INPP5A: variants seen among roughly 807,000 people sequenced by gnomAD.
INPP5A encodes 43 kDa inositol polyphosphate 5-phophatase.
INPP5A carries 14 observed loss-of-function variants against 65.2 expected under a neutral mutation model. That is an observed-to-expected ratio of 0.21 (90% CI 0.14 to 0.34). The LOEUF (loss-of-function observed/expected upper bound fraction) is 0.34, where lower values mean the gene tolerates loss of function less well. Ranked by LOEUF, INPP5A falls within the 10% of genes least tolerant of loss-of-function variation. The pLI is 1.00. For missense variants in INPP5A, 431 were observed against 545.6 expected (o/e 0.79, Z 2.09); for synonymous variants, 207 against 208.3 (o/e 0.99, Z 0.05).
intron 11 of INPP5A, among the ~76,000 whole-genome samples, chr10:132,752,633 G>A (rs910711154): frequency 1.1e-5 from 1 of 87,094 alleles, no homozygotes; most frequent in Non-Finnish European, 2.7e-5. Flanking sequence ...ATGGAGTGGG[G>A]TGTGGCATGG....
intron 9 of INPP5A, among the ~76,000 whole-genome samples, chr10:132,745,152 G>A (rs1046840274): frequency 6.6e-6 from 1 of 152,186 alleles, no homozygotes; most frequent in Admixed American, 6.5e-5. Flanking sequence ...GCTATGGCCT[G>A]TCAGCCTTTG....
At chr10:132,712,418 CATAT>C (rs970960117) in intron 8 of INPP5A, among the ~76,000 whole-genome samples, 2 of 141,248 alleles carry the variant, frequency 1.4e-5, no homozygotes, top group Non-Finnish European at 3.2e-5. Context: ...CGAGTGCATA[CATAT>C]GTGTGTGCAC....
intron 4 of INPP5A, among the ~76,000 whole-genome samples, chr10:132,671,303 G>GGCT (rs1249435017): frequency 5.6e-5 from 8 of 142,666 alleles, no homozygotes; most frequent in African/African-American, 2.0e-4. Flanking sequence ...TTCAAACGTG[G>GGCT]GCTGCGGCGA....
Position 132,741,862 on chromosome 10 carries a change from T to A in INPP5A, c.733-7655T>A, listed in dbSNP as rs1044523041. ...TGCTTGCTTTACTCCATAGCTGATATAAACTGCAGCTGGCTGCAGCACCCA... is the reference window on the plus strand; with the variant it reads ...TGCTTGCTTTACTCCATAGCTGATAAAAACTGCAGCTGGCTGCAGCACCCA... On this transcript the variant is annotated intron_variant, in intron 9 of 15. Coordinates refer to ENST00000368594, the MANE Select transcript of INPP5A (RefSeq NM_005539.5). This position sits in a 1 kb window ranked among gnomAD's most constrained non-coding sequence, Gnocchi z 4.4. 6.6e-6 allele frequency among the ~76,000 whole-genome samples: 1 copy of A among 152,162 alleles called. No individual in the cohort carries two copies. The highest frequency in any genetic ancestry group is 2.4e-5 in the African/African-American group (1 of 41,440).
chr10:132,647,560 T>C (rs2072514101), intron 3 of INPP5A, among the ~76,000 whole-genome samples: 1 of 152,224 alleles, frequency 6.6e-6, no homozygotes, highest in South Asian at 2.1e-4. Context: ...CTCACCCAGC[T>C]CGACCCCAAG....
rs753888025 is a variant in INPP5A at position 132,782,189 on chromosome 10, C to T, written c.*160C>T. On this transcript the variant is annotated 3_prime_UTR_variant, in exon 16 of 16. Coordinates refer to ENST00000368594, the MANE Select transcript of INPP5A (RefSeq NM_005539.5). The surrounding 1 kb of genome is among the most constrained non-coding windows in gnomAD (Gnocchi z 4.4). ...CTTCGCTTCAGCCTCCGGACCATTC[C>T]GGAGCAGCCTCACATACCTCACTGT... 13 of 1,136,466 alleles carry T rather than the reference C, an allele frequency of 1.1e-5. No homozygotes were observed. Among genetic ancestry groups the T allele is most frequent in the Middle Eastern group, 2.3e-4 (1 of 4,414 alleles). The allele number at this position is 1,136,466 out of a possible 1,614,324, so 70.4% of individuals were successfully genotyped here. A position where few individuals can be genotyped will look rare whatever the true frequency, so the allele number is the denominator to read the frequency against.
At position 132,541,594 on chromosome 10, in the gene INPP5A, T is replaced by C. The variant is rs548741122; in HGVS notation, c.75+3423T>C. ...GTTATAACTACCAATATTTCTCATA[T>C]TGGGAGCTGAGACTGCATGAGAATA... On this transcript the variant is annotated intron_variant, in intron 1 of 15. Coordinates refer to ENST00000368594, the MANE Select transcript of INPP5A (RefSeq NM_005539.5). Among the ~76,000 whole-genome samples, 7 of 152,338 alleles carry C rather than the reference T, an allele frequency of 4.6e-5. No individual in the cohort carries two copies. The East Asian group carries it at 9.6e-4, about 21-fold the overall frequency.
At chr10:132,657,153 C>T (rs2072667522) in intron 4 of INPP5A, among the ~76,000 whole-genome samples, 1 of 152,244 alleles carries the variant, frequency 6.6e-6, no homozygotes, top group Non-Finnish European at 1.5e-5. Context: ...TCACTCAAGG[C>T]TCTTGGGCTC....
Position 132,550,122 on chromosome 10 carries a change from G to A in INPP5A, c.75+11951G>A, listed in dbSNP as rs1310239317. On this transcript the variant is annotated intron_variant, in intron 1 of 15. Coordinates refer to ENST00000368594, the MANE Select transcript of INPP5A (RefSeq NM_005539.5). This position sits in a 1 kb window ranked among gnomAD's most constrained non-coding sequence, Gnocchi z 4.2. The stretch of plus-strand genomic sequence containing the variant: ...TTACTAACCGGGCATTAGGGGATGG[G>A]GTCAGGCTCGAGTTACTAACCAGGC... Among the ~76,000 whole-genome samples, 2 of 151,994 alleles carry A rather than the reference G, an allele frequency of 1.3e-5. No homozygotes were observed. Among genetic ancestry groups the A allele is most frequent in the African/African-American group, 4.8e-5 (2 of 41,346 alleles).
At chr10:132,625,098 T>TCCCTCTCTCCCTCCCCCCTC (rs2072164943) in intron 2 of INPP5A, among the ~76,000 whole-genome samples, 1 of 80,306 alleles carries the variant, frequency 1.2e-5, no homozygotes, top group South Asian at 5.5e-4. Flanking sequence ...CCCCGCCCCT[T>TCCCTCTCTCCCTCCCCCCTC]CCCTCTCTCC....
chr10:132,571,907 C>A (rs897695070), intron 1 of INPP5A, among the ~76,000 whole-genome samples: 3 of 151,744 alleles, frequency 2.0e-5, no homozygotes, highest in Non-Finnish European at 4.4e-5. Context: ...TGTTAACGAC[C>A]GACTGGGCTA....
At chr10:132,589,642 G>A (rs140426800) in intron 1 of INPP5A, among the ~76,000 whole-genome samples, 3,281 of 152,330 alleles carry the variant, frequency 0.022, 47 homozygotes, top group Middle Eastern at 0.075. Flanking sequence ...CCAGAACCCC[G>A]AGTGCTCCCT....
intron 8 of INPP5A, among the ~76,000 whole-genome samples, chr10:132,717,648 C>T (rs1564980199): frequency 6.8e-6 from 1 of 146,106 alleles, no homozygotes; most frequent in Non-Finnish European, 1.5e-5. Flanking sequence ...CTTCAGGGTT[C>T]TGTGGTGCCT....
At chr10:132,766,584 C>T (rs867683112) in intron 12 of INPP5A, among the ~76,000 whole-genome samples, 3 of 152,144 alleles carry the variant, frequency 2.0e-5, no homozygotes, top group African/African-American at 4.8e-5. Context: ...TGCTCGCGTA[C>T]ATGGTTGCAT....
chr10:132,768,942 T>C (rs541084513), intron 12 of INPP5A, among the ~76,000 whole-genome samples: 1 of 152,332 alleles, frequency 6.6e-6, no homozygotes, highest in East Asian at 1.9e-4. Context: ...TTATCAGCAT[T>C]GGTGGGCAGG....
intron 9 of INPP5A, among the ~76,000 whole-genome samples, chr10:132,733,982 G>A (rs1846132220): frequency 6.6e-6 from 1 of 152,240 alleles, no homozygotes; most frequent in South Asian, 2.1e-4. Flanking sequence ...GAGCTCCTCA[G>A]CACACAGATC....
At chr10:132,720,035 C>T (rs1347996809) in intron 8 of INPP5A, among the ~76,000 whole-genome samples, 4 of 149,542 alleles carry the variant, frequency 2.7e-5, no homozygotes, top group Admixed American at 6.7e-5. Flanking sequence ...GCGCCTTAGA[C>T]GGCTGTCTTG....
chr10:132,763,550 CAT>C lies in INPP5A; in HGVS notation c.904-2222_904-2221del, dbSNP rs551813603. On this transcript the variant is annotated intron_variant, in intron 11 of 15. Transcript: ENST00000368594. ...GTGCCTGCATGCACACACACATAAA[CAT>C]GTGCCTGCATGCAAACACACACATG... Among the ~76,000 whole-genome samples, 199 of 151,984 alleles carry C rather than the reference CAT, an allele frequency of 1.3e-3. 2 individuals are homozygous for C. The highest frequency in any genetic ancestry group is 7.5e-3 in the South Asian group (36 of 4,806).
At chr10:132,754,094 G>C (rs1846545741) in intron 11 of INPP5A, 1 of 152,072 alleles carries the variant, frequency 6.6e-6, no homozygotes, top group African/African-American at 2.4e-5. Flanking sequence ...TGCAGGGTGA[G>C]GCTCCCTCCG....
Sources: gnomAD v4.1 joint callset for allele counts (sites outside exome capture counted in the v4.1 genomes callset) on GRCh38, gnomAD v4.1.1 for gene constraint, Gnocchi (gnomAD v3.1) non-coding constraint, MANE v1.5 for transcripts, NCBI Gene and HGNC (gene_info 2026-07-23, HGNC 2026-07-21) for gene names.